The following ME2 variants were observed in gnomAD, a reference collection of about 807,000 sequenced individuals.
The protein encoded by ME2 is NAD-dependent malic enzyme, mitochondrial.
ME2 carries 60 observed loss-of-function variants against 73.7 expected under a neutral mutation model. The observed-to-expected ratio is 0.81, with a 90% CI of 0.66 to 1.01. The LOEUF (loss-of-function observed/expected upper bound fraction) is 1.01. Among genes scored for constraint, ME2 ranks in the 50% least tolerant of loss-of-function variants. The pLI is 0.00. For missense variants in ME2, 594 were observed against 705.5 expected (o/e 0.84, Z 1.79); for synonymous variants, 199 against 236.9 (o/e 0.84, Z 1.47).
chr18:50,928,658 A>G (rs1271385532), intron 12 of ME2, among the ~76,000 whole-genome samples: 1 of 152,254 alleles, frequency 6.6e-6, no homozygotes, highest in Non-Finnish European at 1.5e-5. Context: ...GTAGATCGCC[A>G]TAATCCAGTC....
Position 50,925,883 on chromosome 18 carries a change from A to G in ME2, c.1299A>G (p.Ala433=), listed in dbSNP as rs1359795555. ...AGGCAGAGTGCACGGCTGAAGAAGC[A>G]TATACACTTACAGAGGTATTAATAA... ...TAQAECTAEE[A]YTLTEGRCLF... is the part of the protein sequence containing the mutation. Residue 433 remains alanine, a synonymous_variant, in exon 12 of 16, where the codon GCA becomes GCG. Transcript: ENST00000321341. 8 of 1,607,678 alleles carry G rather than the reference A, an allele frequency of 5.0e-6. No homozygotes were observed. The Admixed American group carries it at 1.3e-4, about 27-fold the overall frequency.
At chr18:50,921,931 A>G (rs1044005924) in intron 10 of ME2, among the ~76,000 whole-genome samples, 6 of 152,234 alleles carry the variant, frequency 3.9e-5, no homozygotes, top group Admixed American at 2.6e-4. Flanking sequence ...AGAATGTCAT[A>G]TATCTTCTGT....
intron 1 of ME2, among the ~76,000 whole-genome samples, chr18:50,888,344 CAAAAA>C (rs33946334): frequency 3.9e-5 from 5 of 128,996 alleles, no homozygotes; most frequent in Admixed American, 7.9e-5. Context: ...GACCCTGTCT[CAAAAA>C]AAAAAAAAAA....
intron 12 of ME2, 93 bp downstream of exon 12, chr18:50,925,991 C>G: frequency 1.1e-6 from 1 of 888,784 alleles, no homozygotes; most frequent in Admixed American, 2.3e-5. Flanking sequence ...AATGGTTTCC[C>G]TAGAGATTAC....
At chr18:50,929,266 G>T (rs1204272591) in intron 12 of ME2, among the ~76,000 whole-genome samples, 1 of 151,088 alleles carries the variant, frequency 6.6e-6, no homozygotes, top group African/African-American at 2.4e-5. Flanking sequence ...ACCACTTGAG[G>T]CCAGGAGTTC....
intron 12 of ME2, among the ~76,000 whole-genome samples, chr18:50,929,166 T>C (rs1917633399): frequency 6.6e-6 from 1 of 151,886 alleles, no homozygotes; most frequent in Non-Finnish European, 1.5e-5. Context: ...GCATTCTTTT[T>C]TTTTTTTTTC....
At chr18:50,919,782 G>T (rs1702314344) in intron 7 of ME2, among the ~76,000 whole-genome samples, 1 of 151,716 alleles carries the variant, frequency 6.6e-6, no homozygotes, top group Admixed American at 6.6e-5. Context: ...TTCTACATGG[G>T]ATGCAGAAGA....
chr18:50,909,904 A>G (rs1250952127), intron 3 of ME2, among the ~76,000 whole-genome samples: 1 of 152,210 alleles, frequency 6.6e-6, no homozygotes, highest in Non-Finnish European at 1.5e-5. Context: ...GGTCTTGAGC[A>G]AGAACAAAGA....
chr18:50,925,746 C>T lies in ME2; in HGVS notation c.1172-10C>T, dbSNP rs1297545181. The stretch of plus-strand genomic sequence containing the variant: ...ATGAAGTTGCTGTTTTTCCCCCTTA[C>T]TTATTACAGGAGTTGCAGGTGCTGG... On this transcript the variant is annotated splice_polypyrimidine_tract_variant and intron_variant, in intron 11 of 15. Coordinates refer to ENST00000321341, the MANE Select transcript of ME2 (RefSeq NM_002396.5). The T allele has an allele frequency of 1.9e-6, 3 of 1,612,508 alleles. No individual in the cohort carries two copies. Among genetic ancestry groups the T allele is most frequent in the African/African-American group, 2.7e-5 (2 of 74,824 alleles).
rs907221469 is a variant in ME2 at position 50,890,259 on chromosome 18, A to G, written c.-12-5550A>G. Among the ~76,000 whole-genome samples, 3 of 152,124 alleles carry G rather than the reference A, an allele frequency of 2.0e-5. No individual in the cohort carries two copies. The South Asian group carries it at 6.2e-4, about 31-fold the overall frequency. On this transcript the variant is annotated intron_variant, in intron 1 of 15. Coordinates refer to ENST00000321341, the MANE Select transcript of ME2 (RefSeq NM_002396.5). ...ATCTTCAGAAGAGAAAACCAAATTC[A>G]ATATATTATTATTATTTTCTTTTTT...
chr18:50,911,832 CGACTT>C (rs1917165594), intron 3 of ME2, among the ~76,000 whole-genome samples: 1 of 151,984 alleles, frequency 6.6e-6, no homozygotes, highest in South Asian at 2.1e-4. Context: ...TATTTGGAAG[CGACTT>C]AAGGAGAACA....
At position 50,920,669 on chromosome 18, in the gene ME2, G is replaced by A; in HGVS notation, c.853G>A (p.Ala285Thr). The change falls in exon 9 of 16, where the codon GCA becomes ACA. Residue 285 changes from alanine (A) to threonine (T), a missense_variant. Transcript: ENST00000321341. ...CTTTGTTTTTCTTACAGGGACAGCT[G>A]CAGTAGCTCTAGCAGGTCTTCTTGC... is the stretch of plus-strand genomic sequence containing the variant. The part of the protein sequence containing the change: ...TFNDDIQGTA[A>T]VALAGLLAAQ... 1.2e-6 allele frequency: 2 copies of A among 1,606,780 alleles called. No individual in the cohort carries two copies. Among genetic ancestry groups the A allele is most frequent in the Non-Finnish European group, 1.7e-6 (2 of 1,178,120 alleles).
Position 50,947,217 on chromosome 18 carries a change from C to T in ME2, c.*33C>T. 6.3e-7 allele frequency: 1 copy of T among 1,590,630 alleles called. No individual in the cohort carries two copies. The highest frequency in any genetic ancestry group is 2.2e-4 in the Middle Eastern group (1 of 4,450). ...CCCCTGATAAATACTTTCTGTGCTCCAGGGAACCCCTTTTTTCAGACAAGA... is the reference window on the plus strand; with the variant it reads ...CCCCTGATAAATACTTTCTGTGCTCTAGGGAACCCCTTTTTTCAGACAAGA... On this transcript the variant is annotated 3_prime_UTR_variant, in exon 16 of 16. Transcript: ENST00000321341.
chr18:50,923,814 G>T (rs1359883371), intron 10 of ME2, among the ~76,000 whole-genome samples: 1 of 152,090 alleles, frequency 6.6e-6, no homozygotes, highest in Non-Finnish European at 1.5e-5. Context: ...AGGACTGTAG[G>T]CTTTTGTGCC....
At chr18:50,926,452 A>G (rs1917555673) in intron 12 of ME2, among the ~76,000 whole-genome samples, 1 of 152,162 alleles carries the variant, frequency 6.6e-6, no homozygotes, top group Admixed American at 6.5e-5. Context: ...TTAGGTTTTT[A>G]ACAGTTTGAC....
At chr18:50,938,586 T>G (rs1568175396) in intron 13 of ME2, among the ~76,000 whole-genome samples, 1 of 152,168 alleles carries the variant, frequency 6.6e-6, no homozygotes, top group Non-Finnish European at 1.5e-5. Flanking sequence ...ATATCTCCCA[T>G]GCACTGTTCT....
chr18:50,912,077 GAATA>G (rs1301871352), intron 3 of ME2, among the ~76,000 whole-genome samples: 1 of 152,034 alleles, frequency 6.6e-6, no homozygotes, highest in Non-Finnish European at 1.5e-5. Flanking sequence ...GGTAGGAGAG[GAATA>G]AATCAAGAAT....
At chr18:50,941,563 CG>C (rs1171877529) in intron 15 of ME2, among the ~76,000 whole-genome samples, 3 of 150,430 alleles carry the variant, frequency 2.0e-5, no homozygotes, top group African/African-American at 7.3e-5. Context: ...TTAGTAGAGA[CG>C]GGGTTTCACC....
rs551673071 is a variant in ME2, at chr18:50,944,814, G to A, written c.1588-2203G>A. On this transcript the variant is annotated intron_variant, in intron 15 of 15. Transcript: ENST00000321341. ...TGAGAGTTTCTGTGTCTAGTCTGCC[G>A]CCTTCTCTCCTTCATTCATTTATTT... 4.6e-5 allele frequency among the ~76,000 whole-genome samples: 7 copies of A among 151,826 alleles called. 1 individual carries two copies. The highest frequency in any genetic ancestry group is 1.0e-4 in the Non-Finnish European group (7 of 67,994).
Sources: allele counts gnomAD v4.1 joint callset (sites outside exome capture counted in the v4.1 genomes callset), GRCh38; gene constraint gnomAD v4.1.1; transcripts MANE v1.5; gene names NCBI Gene and HGNC (gene_info 2026-07-23, HGNC 2026-07-21).